The following MBTD1 variants were observed in gnomAD, a reference collection of about 807,000 sequenced individuals.
The protein encoded by MBTD1 is MBT domain-containing protein 1.
Under a neutral mutation model 87.8 loss-of-function variants are expected in MBTD1, and 24 were observed. The observed-to-expected ratio is 0.27, with a 90% confidence interval of 0.20 to 0.38. The LOEUF is 0.38. Among genes scored for constraint, MBTD1 ranks in the 10% least tolerant of loss-of-function variants. The pLI is 1.00. For missense variants in MBTD1, 436 were observed against 760.2 expected (o/e 0.57, Z 5.02); for synonymous variants, 237 against 248.6 (o/e 0.95, Z 0.44).
At chr17:51,205,758 C>A (rs997873834) in intron 7 of MBTD1, among the ~76,000 whole-genome samples, 7 of 152,122 alleles carry the variant, frequency 4.6e-5, no homozygotes, top group African/African-American at 1.7e-4. Flanking sequence ...TGCTGGCTAT[C>A]TTGATCCTTT....
chr17:51,203,689 G>A (rs1598324745), intron 8 of MBTD1, 102 bp downstream of exon 8: 2 of 1,304,822 alleles, frequency 1.5e-6, no homozygotes, highest in East Asian at 2.4e-5. Flanking sequence ...GAGCGGCCAT[G>A]CCCGGCCTTT....
intron 2 of MBTD1, among the ~76,000 whole-genome samples, chr17:51,243,165 A>C (rs2054247522): frequency 6.6e-6 from 1 of 152,220 alleles, no homozygotes; most frequent in Non-Finnish European, 1.5e-5. Flanking sequence ...AAGAAATGTA[A>C]TCATTTGCAC....
At chr17:51,203,488 C>G (rs1272491219) in intron 8 of MBTD1, among the ~76,000 whole-genome samples, 3 of 151,960 alleles carry the variant, frequency 2.0e-5, no homozygotes, top group Non-Finnish European at 4.4e-5. Context: ...GATCTTGGCT[C>G]ACTGCAACCT....
intron 2 of MBTD1, among the ~76,000 whole-genome samples, chr17:51,242,155 T>A (rs2054194574): frequency 6.6e-6 from 1 of 152,264 alleles, no homozygotes; most frequent in Non-Finnish European, 1.5e-5. Flanking sequence ...ATGTACTTAT[T>A]GCTATTTGGG....
At chr17:51,202,257 A>G (rs2051534603) in intron 10 of MBTD1, among the ~76,000 whole-genome samples, 180 bp from the exon 11 acceptor site, 1 of 152,230 alleles carries the variant, frequency 6.6e-6, no homozygotes, top group Non-Finnish European at 1.5e-5. Context: ...GTACATGTGC[A>G]TATATGCTTT....
At chr17:51,210,251 A>G (rs2143344536) in intron 6 of MBTD1, among the ~76,000 whole-genome samples, 1 of 152,066 alleles carries the variant, frequency 6.6e-6, no homozygotes, top group African/African-American at 2.4e-5. Context: ...TCAGCCTCCC[A>G]AAGTACTGGG....
At chr17:51,230,392 A>G (rs116372926) in intron 2 of MBTD1, among the ~76,000 whole-genome samples, 1,795 of 152,270 alleles carry the variant, frequency 0.012, 47 homozygotes, top group African/African-American at 0.041. Context: ...TTCGACATTT[A>G]TCAAGTATTT....
At chr17:51,197,650 G>C (rs367616919) in intron 12 of MBTD1, among the ~76,000 whole-genome samples, 1 of 151,730 alleles carries the variant, frequency 6.6e-6, no homozygotes, top group African/African-American at 2.4e-5. Context: ...GGGTCTATAG[G>C]TGTGCCACCA....
chr17:51,223,794 C>A (rs1162559879), intron 3 of MBTD1, among the ~76,000 whole-genome samples: 1 of 152,148 alleles, frequency 6.6e-6, no homozygotes, highest in Non-Finnish European at 1.5e-5. Context: ...CGAGATTGCA[C>A]CACTGCACTC....
At chr17:51,232,894 T>TA (rs1238743301) in intron 2 of MBTD1, among the ~76,000 whole-genome samples, 3 of 150,144 alleles carry the variant, frequency 2.0e-5, no homozygotes, top group Non-Finnish European at 3.0e-5. Flanking sequence ...AAAATAAAAA[T>TA]AAAAAAAATT....
chr17:51,202,501 T>C (rs1301453134), intron 10 of MBTD1, among the ~76,000 whole-genome samples, 200 bp downstream of exon 10: 1 of 152,218 alleles, frequency 6.6e-6, no homozygotes, highest in African/African-American at 2.4e-5. Flanking sequence ...TTCCTTCTTT[T>C]GGAGAACAAG....
rs71355733 is a variant in MBTD1 at position 51,194,566 on chromosome 17, C to CAAAAAAAAAAAAAAAAAAAAA, written c.1372+627_1372+647dup. ...CCTGGGTGACAGAGCGAGACTGTCT[C>CAAAAAAAAAAAAAAAAAAAAA]AAAAAAAAAAAAAAAAAAAAAAAAA... On this transcript the variant is annotated intron_variant, in intron 13 of 16. Coordinates refer to ENST00000586178, the MANE Select transcript of MBTD1 (RefSeq NM_017643.3). Among the ~76,000 whole-genome samples the CAAAAAAAAAAAAAAAAAAAAA allele has an allele frequency of 3.0e-4, 6 of 19,734 alleles. 1 individual carries two copies. Among genetic ancestry groups the CAAAAAAAAAAAAAAAAAAAAA allele is most frequent in the African/African-American group, 1.1e-3 (4 of 3,804 alleles). 12.9% of individuals were successfully genotyped at this position (19,734 alleles called of 152,430 possible). A position where few individuals can be genotyped will look rare whatever the true frequency, so the allele number is the denominator to read the frequency against.
At chr17:51,247,935 T>TATTA (rs1469372168) in intron 2 of MBTD1, among the ~76,000 whole-genome samples, 1 of 152,234 alleles carries the variant, frequency 6.6e-6, no homozygotes, top group Non-Finnish European at 1.5e-5. Context: ...TAATCTCTAA[T>TATTA]GAGGTCAATT....
intron 16 of MBTD1, among the ~76,000 whole-genome samples, chr17:51,186,838 A>C (rs1250857232): frequency 6.6e-6 from 1 of 152,070 alleles, no homozygotes. Context: ...AATTTCTTTC[A>C]AGAAAGTCTC....
chr17:51,260,519 G>T, upstream of MBTD1: 3 of 1,496,130 alleles, frequency 2.0e-6, no homozygotes, highest in South Asian at 2.7e-5. Context: ...GGCGGCCCGC[G>T]AGGGGCCTGG....
chr17:51,242,296 G>C (rs892949169), intron 2 of MBTD1, among the ~76,000 whole-genome samples: 6 of 151,984 alleles, frequency 3.9e-5, no homozygotes, highest in African/African-American at 1.5e-4. Flanking sequence ...ATCCCCACAG[G>C]GTTTTTTTCT....
chr17:51,228,490 GA>G (rs5820845), intron 2 of MBTD1, among the ~76,000 whole-genome samples: 2,733 of 121,252 alleles, frequency 0.023, 87 homozygotes, highest in African/African-American at 0.078. Flanking sequence ...TTCAAACCAC[GA>G]AAAAAAAAAA....
chr17:51,199,108 T>C (rs1478876671), intron 12 of MBTD1, among the ~76,000 whole-genome samples: 2 of 151,626 alleles, frequency 1.3e-5, no homozygotes, highest in African/African-American at 2.4e-5. Flanking sequence ...TATTTTTTTC[T>C]TTTTTTTGAG....
intron 2 of MBTD1, among the ~76,000 whole-genome samples, chr17:51,241,926 C>A (rs2054183578): frequency 6.6e-6 from 1 of 152,146 alleles, no homozygotes. Context: ...CATACTGTCC[C>A]AGAGTAGGCC....
Sources: allele counts gnomAD v4.1 joint callset (sites outside exome capture counted in the v4.1 genomes callset), GRCh38; gene constraint gnomAD v4.1.1; transcripts MANE v1.5; gene names NCBI Gene and HGNC (gene_info 2026-07-23, HGNC 2026-07-21).